Variants in USP31 observed in about 807,000 individuals in gnomAD.
The protein encoded by USP31 is ubiquitin specific peptidase 31, also known as ubiquitin carboxyl-terminal hydrolase 31.
A neutral mutation model predicts 119.4 loss-of-function variants in USP31; 44 were observed. The ratio of observed to expected loss-of-function variants is 0.37; its 90% confidence interval spans 0.29 to 0.47. The LOEUF is 0.47. Ranked by LOEUF, USP31 falls within the 20% of genes least tolerant of loss-of-function variation. USP31 has a pLI of 0.99. For synonymous variants in USP31, 749 were observed against 705.6 expected (o/e 1.06, Z -0.97); for missense variants, 1,643 against 1,730.2 (o/e 0.95, Z 0.89).
At chr16:23,123,186 C>A (rs148549212) in intron 1 of USP31, among the ~76,000 whole-genome samples, 20 of 152,262 alleles carry the variant, frequency 1.3e-4, no homozygotes, top group African/African-American at 4.6e-4. Context: ...GATAATACAT[C>A]AAGCTGTACA....
In USP31 at chr16:23,068,976, T is replaced by G. The variant is rs769779320; in HGVS notation, c.3129A>C (p.Arg1043Ser). The change falls in exon 16 of 16, where the codon AGA becomes AGC. Residue 1043 changes from arginine to serine, a missense_variant. Around this residue, in one of 5 missense-constraint regions of USP31, gnomAD observed 699 missense variants for 650.9 expected, o/e 1.07. Coordinates refer to ENST00000219689, the MANE Select transcript of USP31 (RefSeq NM_020718.4). Reference protein sequence around the residue: ...SEPEKSLRKGRPALASQESSL... With the variant: ...SEPEKSLRKGSPALASQESSL... ...ATGACTCCTGGCTTGCCAAGGCTGG[T>G]CTCCCCTTCCGCAAGCTTTTCTCTG... The G allele has an allele frequency of 6.2e-7, 1 of 1,614,168 alleles. No homozygotes were observed. Among genetic ancestry groups the G allele is most frequent in the Non-Finnish European group, 8.5e-7 (1 of 1,180,022 alleles).
intron 1 of USP31, among the ~76,000 whole-genome samples, chr16:23,143,477 G>A (rs1903410900): frequency 1.3e-5 from 2 of 151,508 alleles, no homozygotes; most frequent in African/African-American, 4.8e-5. Context: ...ATTTTACTAG[G>A]AAAGTGATGC....
chr16:23,133,735 A>C (rs1053916129), intron 1 of USP31, among the ~76,000 whole-genome samples: 1 of 152,196 alleles, frequency 6.6e-6, no homozygotes, highest in Admixed American at 6.5e-5. Flanking sequence ...GGCATTCAGC[A>C]AACGTGGTTA....
intron 1 of USP31, among the ~76,000 whole-genome samples, chr16:23,139,174 G>A (rs1214223826): frequency 3.3e-5 from 5 of 152,172 alleles, no homozygotes; most frequent in African/African-American, 7.2e-5. Context: ...AGGCCGAGGC[G>A]GGTGGACCAC....
rs201835894 is a variant in USP31, at chr16:23,090,673, T to C, written c.1366A>G (p.Ile456Val). The C allele has an allele frequency of 1.4e-4, 232 of 1,614,050 alleles. No individual in the cohort carries two copies. Among genetic ancestry groups the C allele is most frequent in the Non-Finnish European group, 5.1e-6 (6 of 1,179,938 alleles). ...SPTSRAGSDK[I>V]VLLVCNRACT... ...GCTCGGTTACACACCAACAGGACAATCTTGTCGCTGCCTGCTCTTGATGTG... is the reference window on the plus strand; with the variant it reads ...GCTCGGTTACACACCAACAGGACAACCTTGTCGCTGCCTGCTCTTGATGTG... The change falls in exon 7 of 16, where the codon ATT (isoleucine) becomes GTT (valine). Residue 456 changes from isoleucine (I) to valine (V), a missense_variant. By Grantham distance (29) the Ile-to-Val change is conservative. This residue lies in a region of USP31 where 219 missense variants were observed against 226.4 expected (regional missense o/e 0.97). Coordinates refer to ENST00000219689, the MANE Select transcript of USP31 (RefSeq NM_020718.4).
chr16:23,104,110 T>C (rs964293073), intron 5 of USP31, among the ~76,000 whole-genome samples: 9 of 152,214 alleles, frequency 5.9e-5, no homozygotes, highest in Admixed American at 5.2e-4. Flanking sequence ...ACAAGTCACA[T>C]GCCTTTTCTG....
At position 23,148,677 on chromosome 16, in the gene USP31, C is replaced by A; in HGVS notation, c.594G>T (p.Trp198Cys). The A allele has an allele frequency of 6.7e-7, 1 of 1,495,328 alleles. No homozygotes were observed. The highest frequency in any genetic ancestry group is 1.3e-5 in the South Asian group (1 of 78,896). 92.6% of individuals were successfully genotyped at this position (1,495,328 alleles called of 1,614,324 possible). A position where few individuals can be genotyped will look rare whatever the true frequency, so the allele number is the denominator to read the frequency against. The change falls in exon 1 of 16, where the codon TGG (tryptophan) becomes TGT (cysteine). Residue 198 changes from tryptophan to cysteine, a missense_variant. By Grantham distance (215) the Trp-to-Cys change is radical. Transcript: ENST00000219689. Reference sequence around the variant, plus strand: ...TGTGCTGCGGGGTGTACTCCAGGGTCCAGAGGGCCCGCACCAGGTGCGCCA... The same window carrying A: ...TGTGCTGCGGGGTGTACTCCAGGGTACAGAGGGCCCGCACCAGGTGCGCCA... ...EQLAHLVRAL[W>C]TLEYTPQHSR...
chr16:23,096,176 A>T (rs573259610), intron 6 of USP31, among the ~76,000 whole-genome samples: 12 of 152,350 alleles, frequency 7.9e-5, no homozygotes, highest in Middle Eastern at 3.4e-3. Context: ...AAGCAAAAAA[A>T]AAGCAGGGGT....
intron 2 of USP31, among the ~76,000 whole-genome samples, chr16:23,106,887 C>T (rs1350760000): frequency 3.3e-5 from 5 of 152,010 alleles, no homozygotes; most frequent in Admixed American, 1.3e-4. Flanking sequence ...CAGGGGTGGG[C>T]GGATCACTTG....
chr16:23,081,822 G>A (rs1900842176), intron 12 of USP31, among the ~76,000 whole-genome samples: 1 of 152,132 alleles, frequency 6.6e-6, no homozygotes, highest in African/African-American at 2.4e-5. Flanking sequence ...TGCACACACT[G>A]CTCTCTCTGC....
In USP31 at chr16:23,087,222, T is replaced by C. The variant is rs1901150374; in HGVS notation, c.1528-36A>G. On this transcript the variant is annotated intron_variant, in intron 8 of 15. Coordinates refer to ENST00000219689, the MANE Select transcript of USP31 (RefSeq NM_020718.4). ...TGTTAGATGAGAATTAAGCCAAATT[T>C]TTCTTCAAGGGCATCTGTTTCACAG... 4 of 1,592,536 alleles carry C rather than the reference T, an allele frequency of 2.5e-6. No homozygotes were observed. In the East Asian group the frequency reaches 9.0e-5, roughly 36 times the overall value.
intron 4 of USP31, among the ~76,000 whole-genome samples, 189 bp from the exon 5 acceptor site, chr16:23,105,765 A>G (rs1309513966): frequency 6.6e-6 from 1 of 152,212 alleles, no homozygotes; most frequent in African/African-American, 2.4e-5. Context: ...GATCTTTGGA[A>G]AAGGCAATCT....
Position 23,062,176 on chromosome 16 carries a change from T to C in USP31, c.*5870A>G, listed in dbSNP as rs962332784. The C allele has an allele frequency of 6.6e-6, 1 of 152,592 alleles. No homozygotes were observed. The highest frequency in any genetic ancestry group is 2.4e-5 in the African/African-American group (1 of 41,458). The allele number at this position is 152,592 out of a possible 1,614,324, so 9.5% of individuals were successfully genotyped here. A position where few individuals can be genotyped will look rare whatever the true frequency, so the allele number is the denominator to read the frequency against. On this transcript the variant is annotated 3_prime_UTR_variant, in exon 16 of 16. Transcript: ENST00000219689. ...AAATTGTGGTGTTTTGTAGGCAGCA[T>C]GAGGCTCGACAGAATGAAACCATCA...
At chr16:23,083,239 C>T (rs2141842959) in intron 11 of USP31, among the ~76,000 whole-genome samples, 1 of 152,166 alleles carries the variant, frequency 6.6e-6, no homozygotes, top group Admixed American at 6.5e-5. Flanking sequence ...CAATTCTGTC[C>T]CTCACTTCCT....
At chr16:23,072,393 G>A (rs1402411916) in intron 14 of USP31, 196 bp from the exon 15 acceptor site, 1 of 694,484 alleles carries the variant, frequency 1.4e-6, no homozygotes, top group African/African-American at 1.8e-5. Context: ...AAAGATGTAA[G>A]GCAGACTTCC....
intron 1 of USP31, among the ~76,000 whole-genome samples, chr16:23,117,811 G>C (rs185364275): frequency 6.8e-6 from 1 of 146,620 alleles, no homozygotes; most frequent in Non-Finnish European, 1.5e-5. Flanking sequence ...TGTTGTTGTT[G>C]AGATGGAGTC....
intron 1 of USP31, among the ~76,000 whole-genome samples, chr16:23,133,802 G>A (rs1402167271): frequency 2.0e-5 from 3 of 152,174 alleles, no homozygotes; most frequent in Admixed American, 6.5e-5. Context: ...TTGGCCAGGC[G>A]CAGTGGCTCA....
intron 1 of USP31, among the ~76,000 whole-genome samples, chr16:23,113,881 G>A (rs1902401525): frequency 6.6e-6 from 1 of 152,164 alleles, no homozygotes; most frequent in African/African-American, 2.4e-5. Flanking sequence ...GAGGCGGGTG[G>A]ATGACCTGAG....
At chr16:23,138,315 A>T (rs1903254207) in intron 1 of USP31, among the ~76,000 whole-genome samples, 1 of 152,206 alleles carries the variant, frequency 6.6e-6, no homozygotes, top group South Asian at 2.1e-4. Flanking sequence ...CATGTCTAAA[A>T]TAGAAGTTAT....
Sources: gnomAD v4.1 joint callset for allele counts (sites outside exome capture counted in the v4.1 genomes callset) on GRCh38, gnomAD v4.1.1 for gene constraint, gnomAD v4.1.1 regional missense constraint, MANE v1.5 for transcripts, NCBI Gene and HGNC (gene_info 2026-07-23, HGNC 2026-07-21) for gene names.